Variants in EPB41L5 observed in about 807,000 individuals in gnomAD.
The protein encoded by EPB41L5 is erythrocyte membrane protein band 4.1 like 5.
In EPB41L5, 55 loss-of-function variants were observed where a neutral mutation model predicts 106.6. The ratio of observed to expected loss-of-function variants is 0.52; its 90% CI spans 0.42 to 0.65. EPB41L5 has a LOEUF of 0.65. Among genes scored for constraint, EPB41L5 ranks in the 30% least tolerant of loss-of-function variants. The probability of loss-of-function intolerance (pLI) is 0.00; values close to 1 mark genes in which losing one functional copy is unlikely to be tolerated. For synonymous variants in EPB41L5, 297 were observed against 306.7 expected (o/e 0.97, Z 0.33); for missense variants, 871 against 882.1 (o/e 0.99, Z 0.16).
Position 120,156,499 on chromosome 2 carries a change from C to T in EPB41L5, c.1794-4382C>T, listed in dbSNP as rs1686906674. ...CCACCAGTGCACCTATGTCCATGCA[C>T]CCTGCCCTGCCACTGCTGCAGCAGG... On this transcript the variant is annotated intron_variant, in intron 20 of 24. Transcript: ENST00000263713. Among the ~76,000 whole-genome samples the T allele has an allele frequency of 2.6e-5, 4 of 152,200 alleles. No individual in the cohort carries two copies. The South Asian group carries it at 8.3e-4, about 32-fold the overall frequency.
At chr2:120,065,677 C>A (rs1475775682) in intron 3 of EPB41L5, among the ~76,000 whole-genome samples, 1 of 151,838 alleles carries the variant, frequency 6.6e-6, no homozygotes, top group Non-Finnish European at 1.5e-5. Context: ...CCACCACGCC[C>A]AGCTAATTTT....
rs565501672 is a variant in EPB41L5, at chr2:120,151,572, A to C, written c.1793+5283A>C. On this transcript the variant is annotated intron_variant, in intron 20 of 24. Transcript: ENST00000263713. ...TGATCCACCCACCTCGGCCTCCCAA[A>C]GTGCTGGGATTACAGGCAGGAGCCA... Among the ~76,000 whole-genome samples, 3 of 151,578 alleles carry C rather than the reference A, an allele frequency of 2.0e-5. No individual in the cohort carries two copies. The East Asian group carries it at 5.8e-4, about 29-fold the overall frequency.
At chr2:120,138,809 C>T (rs1686045783) in intron 18 of EPB41L5, among the ~76,000 whole-genome samples, 1 of 151,802 alleles carries the variant, frequency 6.6e-6, no homozygotes, top group South Asian at 2.1e-4. Context: ...CAATGATATT[C>T]TTCAAAGAAA....
At chr2:120,115,806 C>T (rs1294034448) in intron 16 of EPB41L5, among the ~76,000 whole-genome samples, 3 of 151,896 alleles carry the variant, frequency 2.0e-5, no homozygotes, top group East Asian at 1.9e-4. Context: ...TGTTACGTTA[C>T]GTTACGTTAT....
At chr2:120,053,812 A>G (rs1438693674) in intron 3 of EPB41L5, among the ~76,000 whole-genome samples, 2 of 152,184 alleles carry the variant, frequency 1.3e-5, no homozygotes, top group East Asian at 1.9e-4. Flanking sequence ...CTGTAATCCA[A>G]ACACTTGGGG....
rs754634983 is a variant in EPB41L5 at position 120,075,746 on chromosome 2, T to C, written c.498T>C (p.Asn166=). The C allele has an allele frequency of 5.6e-6, 9 of 1,612,602 alleles. No individual in the cohort carries two copies. In the Admixed American group the frequency reaches 1.5e-4, roughly 27 times the overall value. The change falls in exon 7 of 25, where the codon AAT becomes AAC. Residue 166 remains asparagine (N), a synonymous_variant. Coordinates refer to ENST00000263713, the MANE Select transcript of EPB41L5 (RefSeq NM_020909.4). The part of the protein sequence containing the change: ...FDTAVQLAAY[N]LQAELGDYDL... ...CAGCAGTGCAATTGGCAGCTTATAA[T>C]CTGCAAGGTAAGCAATTCTTATGTT...
At chr2:120,074,848 G>A (rs1682119673) in intron 5 of EPB41L5, among the ~76,000 whole-genome samples, 1 of 152,108 alleles carries the variant, frequency 6.6e-6, no homozygotes, top group African/African-American at 2.4e-5. Flanking sequence ...CACATAACAA[G>A]TAGATGTCTC....
At chr2:120,099,181 A>AT (rs1209807740) in intron 14 of EPB41L5, among the ~76,000 whole-genome samples, 4 of 152,060 alleles carry the variant, frequency 2.6e-5, no homozygotes, top group African/African-American at 9.6e-5. Context: ...TTTTTGAATT[A>AT]TTTTTTACAT....
At chr2:120,137,489 T>C (rs1685977459) in intron 18 of EPB41L5, among the ~76,000 whole-genome samples, 1 of 151,510 alleles carries the variant, frequency 6.6e-6, no homozygotes, top group Non-Finnish European at 1.5e-5. Flanking sequence ...AAGAGAAGAC[T>C]CAAATAAATA....
intron 21 of EPB41L5, among the ~76,000 whole-genome samples, chr2:120,163,100 T>G (rs1254983527): frequency 6.6e-6 from 1 of 152,018 alleles, no homozygotes. Context: ...AAAAATTTTT[T>G]AAAAATTAGC....
intron 3 of EPB41L5, among the ~76,000 whole-genome samples, chr2:120,051,100 G>A (rs533661004): frequency 3.3e-5 from 5 of 152,310 alleles, no homozygotes; most frequent in Admixed American, 3.3e-4. Flanking sequence ...GGCTACTCGG[G>A]GGTCAGGGAC....
At chr2:120,049,926 T>G (rs1680107453) in intron 3 of EPB41L5, among the ~76,000 whole-genome samples, 1 of 152,164 alleles carries the variant, frequency 6.6e-6, no homozygotes, top group Non-Finnish European at 1.5e-5. Context: ...CTTATGAAGC[T>G]TAGTTTGGCT....
intron 3 of EPB41L5, among the ~76,000 whole-genome samples, chr2:120,065,900 A>G (rs1246073423): frequency 6.6e-6 from 1 of 152,116 alleles, no homozygotes; most frequent in Admixed American, 6.5e-5. Flanking sequence ...CAAAATTTAT[A>G]TTTAGCCTAT....
At chr2:120,171,077 G>A (rs1687652342) in intron 24 of EPB41L5, among the ~76,000 whole-genome samples, 1 of 152,174 alleles carries the variant, frequency 6.6e-6, no homozygotes. Flanking sequence ...AGCGTTCTCT[G>A]TGTGATACTG....
Position 120,019,174 on chromosome 2 carries a change from C to T in EPB41L5, c.90C>T (p.Ala30=). Residue 30 remains alanine, a synonymous_variant, in exon 2 of 25, where the codon GCC becomes GCT. Transcript: ENST00000263713. ...KERLREAQRA[A]THIPAAGDSK... Reference sequence around the variant, plus strand: ...GACTCCGAGAAGCACAACGCGCCGCCACACATATTCCTGCAGCTGGAGATT... The same window carrying T: ...GACTCCGAGAAGCACAACGCGCCGCTACACATATTCCTGCAGCTGGAGATT... 1 of 1,614,054 alleles carries T rather than the reference C, an allele frequency of 6.2e-7. No homozygotes were observed. Among genetic ancestry groups the T allele is most frequent in the East Asian group, 2.2e-5 (1 of 44,874 alleles).
At chr2:120,042,862 G>C (rs1381692405) in intron 3 of EPB41L5, among the ~76,000 whole-genome samples, 1 of 152,094 alleles carries the variant, frequency 6.6e-6, no homozygotes, top group Non-Finnish European at 1.5e-5. Flanking sequence ...TTGGAATGGG[G>C]AGAGATTGAA....
At chr2:120,136,808 C>G (rs1392648466) in intron 18 of EPB41L5, among the ~76,000 whole-genome samples, 1 of 152,004 alleles carries the variant, frequency 6.6e-6, no homozygotes, top group Non-Finnish European at 1.5e-5. Flanking sequence ...CTGGAGAATT[C>G]ACCCCACATT....
intron 10 of EPB41L5, among the ~76,000 whole-genome samples, chr2:120,080,521 G>A (rs1265451345): frequency 6.6e-6 from 1 of 152,118 alleles, no homozygotes; most frequent in Non-Finnish European, 1.5e-5. Context: ...TGGACATTGG[G>A]GTTGGTTCCA....
At chr2:120,070,551 C>A (rs982914338) in intron 3 of EPB41L5, among the ~76,000 whole-genome samples, 7 of 152,176 alleles carry the variant, frequency 4.6e-5, no homozygotes, top group African/African-American at 1.7e-4. Context: ...AAATTTCAGG[C>A]CACTGTCCCT....
Sources: allele counts gnomAD v4.1 joint callset (sites outside exome capture counted in the v4.1 genomes callset), GRCh38; gene constraint gnomAD v4.1.1; transcripts MANE v1.5; gene names NCBI Gene and HGNC (gene_info 2026-07-23, HGNC 2026-07-21).